CALN1: variants seen among roughly 807,000 people sequenced by gnomAD.
The protein encoded by CALN1 is calcium-binding protein 8.
CALN1 carries 17 observed loss-of-function variants against 30.6 expected under a neutral mutation model. That is an observed-to-expected ratio of 0.56 (90% CI 0.38 to 0.83). The LOEUF (loss-of-function observed/expected upper bound fraction) is 0.83, where lower values mean the gene tolerates loss of function less well. Ranked by LOEUF, CALN1 falls within the 40% of genes least tolerant of loss-of-function variation. The pLI is 0.00. For synonymous variants in CALN1, 156 were observed against 131.4 expected (o/e 1.19, Z -1.28); for missense variants, 291 against 354.9 (o/e 0.82, Z 1.45).
chr7:72,235,095 A>G (rs1168908231), intron 3 of CALN1, among the ~76,000 whole-genome samples: 2 of 152,010 alleles, frequency 1.3e-5, no homozygotes, highest in Non-Finnish European at 2.9e-5. Flanking sequence ...CAATATAGCG[A>G]GACTCTGTCT....
intron 5 of CALN1, among the ~76,000 whole-genome samples, chr7:71,924,106 T>C (rs1795128930): frequency 6.7e-6 from 1 of 148,912 alleles, no homozygotes; most frequent in African/African-American, 2.5e-5. Context: ...CGCAGGAGAA[T>C]CGCTTGAACC....
At chr7:71,828,451 T>C (rs1009534983) in intron 5 of CALN1, among the ~76,000 whole-genome samples, 2 of 151,806 alleles carry the variant, frequency 1.3e-5, no homozygotes, top group Non-Finnish European at 2.9e-5. Context: ...GAAAGGAAAA[T>C]ACCTTGGGAC....
At chr7:72,493,566 T>C in the CALN1 span, among the ~76,000 whole-genome samples, 3 of 152,188 alleles carry the variant, frequency 2.0e-5, no homozygotes, top group Non-Finnish European at 4.4e-5. Context: ...CTCGAAATCC[T>C]GACCTCAGGT....
At chr7:71,943,146 T>C (rs1159828230) in intron 5 of CALN1, among the ~76,000 whole-genome samples, 1 of 152,104 alleles carries the variant, frequency 6.6e-6, no homozygotes, top group African/African-American at 2.4e-5. Flanking sequence ...GTGTCACGGG[T>C]GCATCCTCAA....
chr7:72,468,983 A>G, the CALN1 span, among the ~76,000 whole-genome samples: 4 of 152,168 alleles, frequency 2.6e-5, no homozygotes, highest in African/African-American at 7.2e-5. Flanking sequence ...ATGATTTGCA[A>G]TTCTTTTCCC....
intron 5 of CALN1, among the ~76,000 whole-genome samples, chr7:71,989,649 A>T (rs1279264613): frequency 6.6e-6 from 1 of 152,192 alleles, no homozygotes; most frequent in African/African-American, 2.4e-5. Context: ...AAATCGCAGG[A>T]TACTGGGAAA....
At chr7:71,890,746 CTTT>C (rs10690153) in intron 5 of CALN1, among the ~76,000 whole-genome samples, 3 of 123,218 alleles carry the variant, frequency 2.4e-5, no homozygotes, top group Admixed American at 9.5e-5. Flanking sequence ...TGTTTTCTAG[CTTT>C]TTTTTTTTTT....
rs930345197 is a variant in CALN1 at position 72,211,410 on chromosome 7, A to G, written c.244+67276T>C. On this transcript the variant is annotated intron_variant, in intron 3 of 6. Coordinates refer to ENST00000395275, the MANE Select transcript of CALN1 (RefSeq NM_031468.4). ...GCTAAAATACATACTGCTGACTCTC[A>G]GATGGAGCTCCATTTTGCCTTTTAT... Among the ~76,000 whole-genome samples, 4 of 152,210 alleles carry G rather than the reference A, an allele frequency of 2.6e-5. No individual in the cohort carries two copies. The East Asian group carries it at 7.7e-4, about 29-fold the overall frequency.
intron 5 of CALN1, among the ~76,000 whole-genome samples, chr7:71,853,336 T>A (rs764715806): frequency 7.9e-5 from 12 of 152,144 alleles, no homozygotes; most frequent in Non-Finnish European, 1.6e-4. Flanking sequence ...TTGTATATAT[T>A]ATTATTTATG....
chr7:72,200,286 T>C (rs1562725855), intron 3 of CALN1, among the ~76,000 whole-genome samples: 2 of 152,160 alleles, frequency 1.3e-5, no homozygotes, highest in Non-Finnish European at 2.9e-5. Context: ...TACCACCTAC[T>C]AGCTGTGCAA....
intron 2 of CALN1, among the ~76,000 whole-genome samples, chr7:72,309,188 G>T (rs987886262): frequency 1.3e-5 from 2 of 152,134 alleles, no homozygotes; most frequent in African/African-American, 4.8e-5. Flanking sequence ...GAGGCTCTAC[G>T]GGAGGGAGAC....
At chr7:72,397,323 G>A (rs950924785) in intron 2 of CALN1, among the ~76,000 whole-genome samples, 2 of 152,082 alleles carry the variant, frequency 1.3e-5, no homozygotes, top group Admixed American at 6.5e-5. Context: ...GCACCCAGAG[G>A]GTCCACATTC....
At chr7:72,418,612 G>T (rs542172961) in intron 1 of CALN1, among the ~76,000 whole-genome samples, 9 of 151,802 alleles carry the variant, frequency 5.9e-5, no homozygotes, top group Non-Finnish European at 8.8e-5. Context: ...GCCCTCTGTA[G>T]CTTCCCCGCC....
intron 5 of CALN1, among the ~76,000 whole-genome samples, chr7:71,867,304 A>G (rs970679217): frequency 6.6e-6 from 1 of 152,204 alleles, no homozygotes; most frequent in African/African-American, 2.4e-5. Flanking sequence ...TAACATGTAA[A>G]CTATAAAATA....
chr7:71,935,101 G>A (rs1795760132), intron 5 of CALN1, among the ~76,000 whole-genome samples: 1 of 152,146 alleles, frequency 6.6e-6, no homozygotes, highest in African/African-American at 2.4e-5. Flanking sequence ...GATTTGGAGG[G>A]GACACATATC....
intron 2 of CALN1, among the ~76,000 whole-genome samples, chr7:72,368,627 C>G (rs1378158117): frequency 6.6e-6 from 1 of 151,810 alleles, no homozygotes; most frequent in African/African-American, 2.4e-5. Context: ...AGCTACAAAA[C>G]CATCAGATCA....
intron 4 of CALN1, among the ~76,000 whole-genome samples, chr7:72,085,563 T>C (rs1489904503): frequency 6.6e-6 from 1 of 152,192 alleles, no homozygotes; most frequent in Non-Finnish European, 1.5e-5. Context: ...ATGAAGCTCA[T>C]AGGGCATATG....
intron 1 of CALN1, among the ~76,000 whole-genome samples, chr7:72,406,400 G>A (rs893569945): frequency 1.3e-5 from 2 of 152,144 alleles, no homozygotes; most frequent in African/African-American, 4.8e-5. Flanking sequence ...ATTTCCCAAT[G>A]AGCTTCCTTG....
intron 3 of CALN1, among the ~76,000 whole-genome samples, chr7:72,271,350 A>C (rs935052066): frequency 6.6e-6 from 1 of 151,606 alleles, no homozygotes; most frequent in Admixed American, 6.6e-5. Flanking sequence ...AATCTTTTTT[A>C]AAAATTTCAC....
Sources: gnomAD v4.1 joint callset for allele counts (sites outside exome capture counted in the v4.1 genomes callset) on GRCh38, gnomAD v4.1.1 for gene constraint, MANE v1.5 for transcripts, NCBI Gene and HGNC (gene_info 2026-07-23, HGNC 2026-07-21) for gene names.